The following MTRR variants were observed in gnomAD, a reference collection of about 807,000 sequenced individuals.
MTRR encodes 5-methyltetrahydrofolate-homocysteine methyltransferase reductase.
Under a neutral mutation model 79.2 loss-of-function variants are expected in MTRR, and 63 were observed. The ratio of observed to expected loss-of-function variants is 0.80; its 90% confidence interval spans 0.65 to 0.98. The LOEUF (loss-of-function observed/expected upper bound fraction) is 0.98, where lower values mean the gene tolerates loss of function less well. MTRR is among the 50% of genes least tolerant of loss of function. MTRR has a pLI of 0.00. For synonymous variants in MTRR, 355 were observed against 313.3 expected (o/e 1.13, Z -1.41); for missense variants, 895 against 839.6 (o/e 1.07, Z -0.82).
Position 7,900,964 on chromosome 5 carries a change from A to G in MTRR, c.*906A>G, listed in dbSNP as rs1431985795. 2 of 152,270 alleles carry G rather than the reference A, an allele frequency of 1.3e-5. No individual in the cohort carries two copies. Among genetic ancestry groups the G allele is most frequent in the East Asian group, 3.9e-4 (2 of 5,172 alleles). The allele number at this position is 152,270 out of a possible 1,614,324, so 9.4% of individuals were successfully genotyped here. On this transcript the variant is annotated 3_prime_UTR_variant, in exon 15 of 15. Coordinates refer to ENST00000440940, the MANE Select transcript of MTRR (RefSeq NM_002454.3). ...GATTCCCAGTGTCTAATTCCCTGTT[A>G]TAATTTGCACAAACAAAACAAAATG...
rs372829698 is a variant in MTRR, at chr5:7,887,793, C to CATATATATAT, written c.1146+1119_1146+1128dup. On this transcript the variant is annotated intron_variant, in intron 8 of 14. Transcript: ENST00000440940. The stretch of plus-strand genomic sequence containing the variant: ...GTATATATTTGTGTGTGTGTGTGTG[C>CATATATATAT]ATATATATATATATATATATATATA... Among the ~76,000 whole-genome samples, 153 of 91,972 alleles carry CATATATATAT rather than the reference C, an allele frequency of 1.7e-3. 2 individuals are homozygous for CATATATATAT. The highest frequency in any genetic ancestry group is 0.015 in the Middle Eastern group (2 of 132). The allele number at this position is 91,972 out of a possible 152,430, so 60.3% of individuals were successfully genotyped here.
chr5:7,874,588 CTT>C (rs5865743), intron 3 of MTRR, among the ~76,000 whole-genome samples: 27,228 of 107,832 alleles, frequency 0.25, 3,378 homozygotes, highest in South Asian at 0.43. Context: ...GGGATTTAAG[CTT>C]TTTTTTTTTT....
chr5:7,865,882 T>C, upstream of MTRR: 1 of 1,600,246 alleles, frequency 6.2e-7, no homozygotes, highest in Non-Finnish European at 8.6e-7. Context: ...AAGCCACATA[T>C]AGTTCATGCT....
intron 1 of MTRR, among the ~76,000 whole-genome samples, chr5:7,853,007 G>A (rs879861405): frequency 3.3e-5 from 5 of 152,172 alleles, no homozygotes; most frequent in Admixed American, 2.6e-4. Context: ...CAGTTCAGTC[G>A]GTGACATTTT....
intron 8 of MTRR, among the ~76,000 whole-genome samples, chr5:7,886,916 TCTATTG>T (rs1378424585): frequency 2.1e-4 from 32 of 152,340 alleles, no homozygotes; most frequent in African/African-American, 6.7e-4. Context: ...ATTTTTGTTT[TCTATTG>T]AAATGAGGGC....
chr5:7,891,754 T>C (rs932501142), intron 10 of MTRR, among the ~76,000 whole-genome samples: 2 of 152,016 alleles, frequency 1.3e-5, no homozygotes, highest in South Asian at 2.1e-4. Context: ...TATAAAACAT[T>C]TGATGAGTCC....
At chr5:7,854,033 T>C (rs575429923) in intron 1 of MTRR, among the ~76,000 whole-genome samples, 1 of 152,300 alleles carries the variant, frequency 6.6e-6, no homozygotes, top group East Asian at 1.9e-4. Flanking sequence ...TTTTGATTAT[T>C]AAGAGGCTTT....
intron 1 of MTRR, among the ~76,000 whole-genome samples, chr5:7,855,854 G>A (rs914386690): frequency 1.3e-5 from 2 of 152,194 alleles, no homozygotes; most frequent in Non-Finnish European, 2.9e-5. Flanking sequence ...TCTGGGATGG[G>A]ATTACAAGTA....
At chr5:7,890,277 G>C in intron 9 of MTRR, 1 of 985,192 alleles carries the variant, frequency 1.0e-6, no homozygotes, top group Non-Finnish European at 1.2e-6. Context: ...TTCCACTTAG[G>C]ACCTCCCCAA....
At chr5:7,865,970 A>G (rs1746915953), upstream of MTRR, 1 of 1,613,804 alleles carries the variant, frequency 6.2e-7, no homozygotes, top group Non-Finnish European at 8.5e-7. Flanking sequence ...ATGTGTCCAA[A>G]TGAGATTCTT....
chr5:7,870,769 G>A lies in MTRR; in HGVS notation c.-25-1G>A, dbSNP rs780448175. On this transcript the variant is annotated splice_acceptor_variant, in intron 1 of 14. Transcript: ENST00000440940. LOFTEE classifies it low-confidence loss of function (5UTR_SPLICE). ...AGGATCTTTTTTCCCCCATTTTTCA[G>A]TTTCACTGTTACATGCCTTGAAGTG... 1.4e-5 allele frequency: 23 copies of A among 1,613,972 alleles called. No homozygotes were observed. The highest frequency in any genetic ancestry group is 1.5e-5 in the Non-Finnish European group (18 of 1,179,994).
chr5:7,896,694 G>A, intron 12 of MTRR, 170 bp from the exon 13 acceptor site: 1 of 653,388 alleles, frequency 1.5e-6, no homozygotes, highest in Non-Finnish European at 2.8e-6. Context: ...CTGCTCGAGT[G>A]GCCATGACAG....
At position 7,883,275 on chromosome 5, in the gene MTRR, T is replaced by G; in HGVS notation, c.901T>G (p.Ser301Ala). ...KTTLLVELDI[S>A]NTDFSYQPGD... Reference sequence around the variant, plus strand: ...CACTCTGCTGGTAGAATTGGACATTTCAGTAAGTTGCAAAATTTATTTCTC... The same window carrying G: ...CACTCTGCTGGTAGAATTGGACATTGCAGTAAGTTGCAAAATTTATTTCTC... Residue 301 changes from serine (S) to alanine (A), a missense_variant and splice_region_variant, in exon 6 of 15, where the codon TCA becomes GCA. By Grantham distance (99) the Ser-to-Ala change is moderately conservative (BLOSUM62 1). Transcript: ENST00000440940. 6.2e-7 allele frequency: 1 copy of G among 1,614,230 alleles called. No homozygotes were observed. Among genetic ancestry groups the G allele is most frequent in the African/African-American group, 1.3e-5 (1 of 75,070 alleles).
rs993758906 is a variant in MTRR, at chr5:7,894,998, C to T, written c.1558-736C>T. On this transcript the variant is annotated intron_variant, in intron 11 of 14. Coordinates refer to ENST00000440940, the MANE Select transcript of MTRR (RefSeq NM_002454.3). ...TCATTTAAAAGGTATGGTGTTCAGG[C>T]TCGTCATTACTTCCTACAGTCGTCC... Among the ~76,000 whole-genome samples the T allele has an allele frequency of 3.9e-5, 6 of 152,158 alleles. No individual in the cohort carries two copies. The East Asian group carries it at 1.2e-3, about 29-fold the overall frequency.
intron 7 of MTRR, 97 bp downstream of exon 7, chr5:7,885,951 G>A (rs1003609819): frequency 4.0e-5 from 61 of 1,512,870 alleles, no homozygotes; most frequent in Non-Finnish European, 5.5e-5. Context: ...CCTGTGTGTT[G>A]GCCGCACAGA....
intron 1 of MTRR, chr5:7,861,599 C>T (rs953478279): frequency 6.3e-7 from 1 of 1,597,558 alleles, no homozygotes; most frequent in Middle Eastern, 1.7e-4. Context: ...TGGATATCTT[C>T]ATTAGCTGTG....
At position 7,889,079 on chromosome 5, in the gene MTRR, G is replaced by A. The variant is rs143842562; in HGVS notation, c.1147-16G>A. 1.7e-5 allele frequency: 28 copies of A among 1,613,854 alleles called. No homozygotes were observed. In the East Asian group the frequency reaches 2.0e-4, roughly 12 times the overall value. On this transcript the variant is annotated splice_polypyrimidine_tract_variant and intron_variant, in intron 8 of 14. Transcript: ENST00000440940. The stretch of plus-strand genomic sequence containing the variant: ...CACAAATTGTGTCACAATTTAAGGC[G>A]GGCTCCTTTTTGTAGGCATTTTTGC...
intron 2 of MTRR, chr5:7,862,183 C>G (rs1312617016): frequency 2.0e-5 from 3 of 152,492 alleles, no homozygotes; most frequent in African/African-American, 7.2e-5. Context: ...CCATCTGAAG[C>G]CTATGAACTG....
At chr5:7,854,643 C>T (rs772554701) in intron 1 of MTRR, among the ~76,000 whole-genome samples, 4 of 152,186 alleles carry the variant, frequency 2.6e-5, no homozygotes, top group African/African-American at 7.2e-5. Flanking sequence ...TTCCCTACCA[C>T]GAGAATATGG....
Sources: gnomAD v4.1 joint callset for allele counts (sites outside exome capture counted in the v4.1 genomes callset) on GRCh38, gnomAD v4.1.1 for gene constraint, MANE v1.5 for transcripts, NCBI Gene and HGNC (gene_info 2026-07-23, HGNC 2026-07-21) for gene names.